The following ZNF114 variants were observed in gnomAD, a reference collection of about 807,000 sequenced individuals.
ZNF114 encodes the protein zinc finger protein 114.
A neutral mutation model predicts 6.8 loss-of-function variants in ZNF114; 8 were observed. That is an observed-to-expected ratio of 1.18 (90% CI 0.69 to 2.13). The LOEUF is 2.13. Ranked by LOEUF, ZNF114 falls within the 30% of genes most tolerant of loss-of-function variation. ZNF114 has a pLI of 0.00. For missense variants in ZNF114, 472 were observed against 519.5 expected, an observed-to-expected ratio of 0.91 and a Z score of 0.89; for synonymous variants, 169 against 185.5, an observed-to-expected ratio of 0.91 and a Z score of 0.72.
chr19:48,274,156 CTATA>C (rs771808798), intron 3 of ZNF114, among the ~76,000 whole-genome samples: 1 of 151,154 alleles, frequency 6.6e-6, no homozygotes, highest in Non-Finnish European at 1.5e-5. Context: ...GTGTGAGTGT[CTATA>C]TATAAATTCA....
intron 3 of ZNF114, among the ~76,000 whole-genome samples, chr19:48,274,067 T>TTTCTTTAGGCAGGATGCAAACAC (rs1403371393): frequency 1.3e-5 from 2 of 150,982 alleles, no homozygotes; most frequent in Admixed American, 6.7e-5. Flanking sequence ...AATATATATG[T>TTTCTTTAGGCAGGATGCAAACAC]ATATATATTT....
chr19:48,282,222 A>T (rs937485607), intron 4 of ZNF114, 149 bp from the exon 5 acceptor site: 5 of 1,094,656 alleles, frequency 4.6e-6, no homozygotes, highest in Admixed American at 2.4e-5. Context: ...ATTCATTGAC[A>T]TCTGCAAAGA....
At position 48,287,103 on chromosome 19, in the gene ZNF114, C is replaced by T. The variant is rs1364391248; in HGVS notation, c.*225C>T. The stretch of plus-strand genomic sequence containing the variant: ...TTGTTCTCACCCTGGAGAGAAACTG[C>T]GAATCTAAAAGGAATATGACAAAGC... On this transcript the variant is annotated 3_prime_UTR_variant, in exon 6 of 6. Coordinates refer to ENST00000595607, the MANE Select transcript of ZNF114 (RefSeq NM_153608.4). 11 of 387,906 alleles carry T rather than the reference C, an allele frequency of 2.8e-5. No individual in the cohort carries two copies. The highest frequency in any genetic ancestry group is 7.4e-4 in the Middle Eastern group (1 of 1,354). The allele number at this position is 387,906 out of a possible 1,614,324, so 24.0% of individuals were successfully genotyped here. A position where few individuals can be genotyped will look rare whatever the true frequency, so the allele number is the denominator to read the frequency against.
chr19:48,270,767 GAA>G (rs1568988065), intron 1 of ZNF114, among the ~76,000 whole-genome samples: 5 of 150,950 alleles, frequency 3.3e-5, no homozygotes, highest in Admixed American at 2.0e-4. Flanking sequence ...AAAAGAGAAA[GAA>G]AGAAAGAAAG....
At chr19:48,285,566 G>C (rs572980342) in intron 5 of ZNF114, among the ~76,000 whole-genome samples, 195 bp from the exon 6 acceptor site, 1 of 150,034 alleles carries the variant, frequency 6.7e-6, no homozygotes, top group Non-Finnish European at 1.5e-5. Context: ...GAAGGAGGAA[G>C]GAAGGAAGGG....
chr19:48,285,763 T>A lies in ZNF114; in HGVS notation c.139T>A (p.Trp47Arg). The change falls in exon 6 of 6, where the codon TGG (tryptophan) becomes AGG (arginine). Residue 47 changes from tryptophan to arginine, a missense_variant and splice_region_variant. Physicochemically the swap from Trp to Arg is moderately radical, Grantham distance 101. Transcript: ENST00000595607. ...ACTTTTGTGCCACTGTATTTCAGAT[T>A]GGGCAACTCCATGTAAAACCAAAGA... ...ENSRNLAFID[W>R]ATPCKTKDAT... is the part of the protein sequence containing the mutation. The A allele has an allele frequency of 6.3e-7, 1 of 1,598,170 alleles. No homozygotes were observed. Among genetic ancestry groups the A allele is most frequent in the Non-Finnish European group, 8.5e-7 (1 of 1,174,302 alleles).
Position 48,286,899 on chromosome 19 carries a change from C to A in ZNF114, c.*21C>A. 6.5e-7 allele frequency: 1 copy of A among 1,536,326 alleles called. No individual in the cohort carries two copies. The highest frequency in any genetic ancestry group is 8.7e-7 in the Non-Finnish European group (1 of 1,149,194). Reference sequence around the variant, plus strand: ...AATGAAAGGAAGGTGGAAAATTTTTCATTAATTTTCTGACTGTACCAAACA... The same window carrying A: ...AATGAAAGGAAGGTGGAAAATTTTTAATTAATTTTCTGACTGTACCAAACA... On this transcript the variant is annotated 3_prime_UTR_variant, in exon 6 of 6. Transcript: ENST00000595607.
intron 5 of ZNF114, among the ~76,000 whole-genome samples, chr19:48,283,340 A>G (rs1157785358): frequency 6.6e-6 from 1 of 152,158 alleles, no homozygotes; most frequent in South Asian, 2.1e-4. Flanking sequence ...ACTTCTATTC[A>G]CACATCATCA....
rs1968121155 is a variant in ZNF114 at position 48,286,128 on chromosome 19, A to G, written c.504A>G (p.Gln168=). Residue 168 remains glutamine (Q), a synonymous_variant, in exon 6 of 6, where the codon CAA becomes CAG. Transcript: ENST00000595607. ...FKYNPVLNDS[Q]KTHENNEDDG... ...ATAATCCTGTCTTAAACGATAGTCA[A>G]AAAACACATGAAAACAACGAAGACG... 2.5e-6 allele frequency: 4 copies of G among 1,614,222 alleles called. No homozygotes were observed. The highest frequency in any genetic ancestry group is 3.4e-6 in the Non-Finnish European group (4 of 1,180,034).
intron 3 of ZNF114, among the ~76,000 whole-genome samples, chr19:48,272,227 A>T (rs907144295): frequency 1.3e-5 from 2 of 152,056 alleles, no homozygotes; most frequent in African/African-American, 4.8e-5. Context: ...CCTGGCCAAC[A>T]TGGTGAAACC....
In ZNF114 at chr19:48,286,841, A is replaced by G. The variant is rs759062523; in HGVS notation, c.1217A>G (p.His406Arg). ...DFAKSSGLKK[H>R]LKTHKDEKPC... ...GCAAAGTCGTCAGGACTTAAAAAAC[A>G]TCTTAAGACTCACAAAGATGAGAAG... The change falls in exon 6 of 6, where the codon CAT becomes CGT. Residue 406 changes from histidine to arginine, a missense_variant. Physicochemically the swap from His to Arg is conservative, Grantham distance 29 (BLOSUM62 0). Transcript: ENST00000595607. 2 of 1,575,002 alleles carry G rather than the reference A, an allele frequency of 1.3e-6. No homozygotes were observed. The highest frequency in any genetic ancestry group is 2.2e-5 in the East Asian group (1 of 44,696).
At chr19:48,272,489 G>C (rs1367091715) in intron 3 of ZNF114, among the ~76,000 whole-genome samples, 1 of 150,254 alleles carries the variant, frequency 6.7e-6, no homozygotes, top group East Asian at 2.0e-4. Context: ...AGCTACACGG[G>C]AGGCTGAGGC....
intron 3 of ZNF114, among the ~76,000 whole-genome samples, chr19:48,274,952 T>C (rs1967785387): frequency 1.3e-5 from 2 of 151,980 alleles, no homozygotes; most frequent in South Asian, 4.2e-4. Context: ...TCCACGCCTG[T>C]GCATTTGTGT....
chr19:48,272,919 T>C (rs1030074847), intron 3 of ZNF114, among the ~76,000 whole-genome samples: 22 of 148,218 alleles, frequency 1.5e-4, no homozygotes, highest in African/African-American at 4.5e-4. Flanking sequence ...CCTCAGCCTC[T>C]CAAGTAGCTG....
At chr19:48,284,309 C>T (rs1968063028) in intron 5 of ZNF114, among the ~76,000 whole-genome samples, 1 of 152,066 alleles carries the variant, frequency 6.6e-6, no homozygotes, top group Non-Finnish European at 1.5e-5. Flanking sequence ...CACCTGTAAT[C>T]CTAGCACTTT....
chr19:48,280,621 C>G (rs1017044023), intron 4 of ZNF114, among the ~76,000 whole-genome samples: 1 of 147,442 alleles, frequency 6.8e-6, no homozygotes, highest in Non-Finnish European at 1.5e-5. Context: ...GGCATGATCT[C>G]GGCTCACTGC....
intron 5 of ZNF114, among the ~76,000 whole-genome samples, chr19:48,283,274 G>A (rs1289140961): frequency 6.6e-6 from 1 of 152,182 alleles, no homozygotes; most frequent in Admixed American, 6.5e-5. Flanking sequence ...GTCGTTTTGA[G>A]CCCTTTTGGC....
rs1968140080 is a variant in ZNF114 at position 48,286,663 on chromosome 19, C to T, written c.1039C>T (p.Leu347Phe). 6.2e-7 allele frequency: 1 copy of T among 1,612,676 alleles called. No individual in the cohort carries two copies. The highest frequency in any genetic ancestry group is 8.5e-7 in the Non-Finnish European group (1 of 1,179,656). Residue 347 changes from leucine (L) to phenylalanine (F), a missense_variant, in exon 6 of 6, where the codon CTT becomes TTT. Leu to Phe is a conservative substitution (Grantham distance 22). Transcript: ENST00000595607. ...CGKAFRYSLHLNKHLRKHVVQ... is the reference protein window; with the variant it reads ...CGKAFRYSLHFNKHLRKHVVQ... ...GAAAGCCTTTAGATATTCCTTACAC[C>T]TTAATAAACATTTAAGAAAGCATGT...
intron 3 of ZNF114, among the ~76,000 whole-genome samples, chr19:48,272,327 G>A (rs1301564911): frequency 6.6e-6 from 1 of 151,710 alleles, no homozygotes; most frequent in African/African-American, 2.4e-5. Flanking sequence ...CAGTAGAATC[G>A]CTTGAACCCG....
Sources: gnomAD v4.1 joint callset for allele counts (sites outside exome capture counted in the v4.1 genomes callset) on GRCh38, gnomAD v4.1.1 for gene constraint, MANE v1.5 for transcripts, NCBI Gene and HGNC (gene_info 2026-07-23, HGNC 2026-07-21) for gene names.